The following TTC28 variants were observed in gnomAD, a reference collection of about 807,000 sequenced individuals.
The protein encoded by TTC28 is tetratricopeptide repeat protein 28.
Under a neutral mutation model 198.0 loss-of-function variants are expected in TTC28, and 61 were observed. The observed-to-expected ratio is 0.31, with a 90% CI of 0.25 to 0.38. The LOEUF is 0.38. Ranked by LOEUF, TTC28 falls within the 10% of genes least tolerant of loss-of-function variation. The pLI, the probability that TTC28 is intolerant of heterozygous loss-of-function variation, is 1.00. For synonymous variants in TTC28, 1,171 were observed against 1,297.8 expected (o/e 0.90, Z 2.10); for missense variants, 2,678 against 3,164.0 (o/e 0.85, Z 3.69).
chr22:28,385,897 T>G (rs2046574803), intron 2 of TTC28, among the ~76,000 whole-genome samples: 1 of 152,116 alleles, frequency 6.6e-6, no homozygotes, highest in Admixed American at 6.5e-5. Flanking sequence ...TTGCTCCACC[T>G]CTGCCAAAAA....
chr22:28,617,995 G>A (rs1009034779), intron 2 of TTC28, among the ~76,000 whole-genome samples: 11 of 152,310 alleles, frequency 7.2e-5, no homozygotes, highest in South Asian at 2.1e-4. Context: ...GTTGTTGGCC[G>A]GGCATGGTGG....
chr22:28,318,952 A>G (rs1250700415), intron 2 of TTC28, among the ~76,000 whole-genome samples: 1 of 148,510 alleles, frequency 6.7e-6, no homozygotes, highest in Non-Finnish European at 1.5e-5. Flanking sequence ...GCAAGTAGTT[A>G]GGACTACAGG....
chr22:28,214,125 T>C (rs1927171138), intron 5 of TTC28, among the ~76,000 whole-genome samples: 1 of 152,008 alleles, frequency 6.6e-6, no homozygotes, highest in Non-Finnish European at 1.5e-5. Context: ...ATACAAAAAT[T>C]AATTCAAGAT....
At chr22:28,390,543 T>A (rs1383869652) in intron 2 of TTC28, among the ~76,000 whole-genome samples, 2 of 152,332 alleles carry the variant, frequency 1.3e-5, no homozygotes, top group South Asian at 2.1e-4. Flanking sequence ...TGGGTGCATA[T>A]ATATTTAGGA....
chr22:28,474,234 CT>C (rs1346686526), intron 2 of TTC28, among the ~76,000 whole-genome samples: 4 of 152,262 alleles, frequency 2.6e-5, no homozygotes, highest in African/African-American at 9.6e-5. Context: ...TGGTAACTGA[CT>C]TAGCAGAACC....
chr22:28,396,412 G>A (rs907508212), intron 2 of TTC28, among the ~76,000 whole-genome samples: 1 of 152,216 alleles, frequency 6.6e-6, no homozygotes, highest in Non-Finnish European at 1.5e-5. Context: ...TGTAAAGGTT[G>A]TAATTCTGAG....
intron 5 of TTC28, among the ~76,000 whole-genome samples, chr22:28,229,017 A>G (rs134177): frequency 0.7 from 105,543 of 151,522 alleles, 36,950 homozygotes; most frequent in South Asian, 0.71. Flanking sequence ...TTAGCCGGGC[A>G]TGGTGGCACA....
At chr22:28,118,306 G>C (rs1942691270) in intron 6 of TTC28, among the ~76,000 whole-genome samples, 1 of 152,028 alleles carries the variant, frequency 6.6e-6, no homozygotes, top group Non-Finnish European at 1.5e-5. Flanking sequence ...GGCTGAGGTG[G>C]GAGAATCACT....
intron 2 of TTC28, among the ~76,000 whole-genome samples, chr22:28,582,030 T>C (rs1601590866): frequency 6.6e-6 from 1 of 152,196 alleles, no homozygotes; most frequent in Non-Finnish European, 1.5e-5. Flanking sequence ...AACATTACTA[T>C]AATAATTTTA....
In TTC28 at chr22:28,406,698, T is replaced by C. The variant is rs546392145; in HGVS notation, c.382-100055A>G. 5.9e-5 allele frequency among the ~76,000 whole-genome samples: 9 copies of C among 152,312 alleles called. No individual in the cohort carries two copies. In the South Asian group the frequency reaches 1.4e-3, roughly 25 times the overall value. On this transcript the variant is annotated intron_variant, in intron 2 of 22. Transcript: ENST00000397906. ...AATTTCAAAATTTAAAAACACCTAA[T>C]GAGAACATCAGAAGTCCAAGGTCTA...
chr22:28,349,295 G>C (rs1416669162), intron 2 of TTC28, among the ~76,000 whole-genome samples: 1 of 152,136 alleles, frequency 6.6e-6, no homozygotes, highest in South Asian at 2.1e-4. Flanking sequence ...TAATTACATA[G>C]AAACAGATGA....
intron 5 of TTC28, among the ~76,000 whole-genome samples, chr22:28,290,259 A>C (rs1181032078): frequency 6.6e-6 from 1 of 152,164 alleles, no homozygotes; most frequent in East Asian, 1.9e-4. Flanking sequence ...ATGATGCAAA[A>C]GGGCAAACAA....
At chr22:28,190,706 A>G (rs1924650542) in intron 5 of TTC28, among the ~76,000 whole-genome samples, 1 of 152,228 alleles carries the variant, frequency 6.6e-6, no homozygotes, top group Non-Finnish European at 1.5e-5. Flanking sequence ...CTAACTGAAT[A>G]GTGTCTATCT....
chr22:28,068,451 T>C (rs1364108568), intron 12 of TTC28, among the ~76,000 whole-genome samples: 1 of 152,240 alleles, frequency 6.6e-6, no homozygotes, highest in African/African-American at 2.4e-5. Flanking sequence ...GGTGATATTT[T>C]TATTGTTAGA....
intron 2 of TTC28, among the ~76,000 whole-genome samples, chr22:28,624,185 T>C (rs1334600777): frequency 6.6e-6 from 1 of 152,156 alleles, no homozygotes; most frequent in Non-Finnish European, 1.5e-5. Flanking sequence ...GAATGCATGC[T>C]GGCTAACACG....
intron 6 of TTC28, among the ~76,000 whole-genome samples, chr22:28,162,654 T>C (rs941844807): frequency 4.6e-5 from 7 of 152,192 alleles, no homozygotes; most frequent in Non-Finnish European, 7.3e-5. Context: ...CAAGGAAATA[T>C]ATCTAAAGAA....
intron 2 of TTC28, among the ~76,000 whole-genome samples, chr22:28,607,952 T>C (rs910456161): frequency 1.3e-5 from 2 of 152,172 alleles, no homozygotes; most frequent in Non-Finnish European, 2.9e-5. Context: ...TTCCCATAAA[T>C]TAAACTGTGG....
chr22:28,286,688 T>C (rs765171154), intron 5 of TTC28, among the ~76,000 whole-genome samples: 3 of 152,114 alleles, frequency 2.0e-5, no homozygotes, highest in Non-Finnish European at 2.9e-5. Flanking sequence ...AGTATGGGAA[T>C]ACAGATGGCT....
At chr22:28,580,133 A>C (rs1362351520) in intron 2 of TTC28, among the ~76,000 whole-genome samples, 1 of 152,178 alleles carries the variant, frequency 6.6e-6, no homozygotes, top group East Asian at 1.9e-4. Flanking sequence ...ACTCTACCCA[A>C]CCTGAAGGTA....
Sources: allele counts gnomAD v4.1 joint callset (sites outside exome capture counted in the v4.1 genomes callset), GRCh38; gene constraint gnomAD v4.1.1; transcripts MANE v1.5; gene names NCBI Gene and HGNC (gene_info 2026-07-23, HGNC 2026-07-21).